Variants in ZNF710 observed in about 807,000 individuals in gnomAD.
ZNF710 encodes zinc finger protein 710.
A neutral mutation model predicts 50.6 loss-of-function variants in ZNF710; 13 were observed. The observed-to-expected ratio is 0.26, with a 90% CI of 0.17 to 0.41. The LOEUF is 0.41. Among genes scored for constraint, ZNF710 ranks in the 10% least tolerant of loss-of-function variants. The probability of loss-of-function intolerance (pLI) is 1.00; values close to 1 mark genes in which losing one functional copy is unlikely to be tolerated. For synonymous variants in ZNF710, 383 were observed against 397.0 expected (o/e 0.96, Z 0.42); for missense variants, 721 against 936.6 (o/e 0.77, Z 3.01).
chr15:90,042,625 G>T (rs1314643684), intron 1 of ZNF710, among the ~76,000 whole-genome samples: 4 of 152,188 alleles, frequency 2.6e-5, no homozygotes, highest in African/African-American at 9.6e-5. Flanking sequence ...CCCATTTCAG[G>T]TTTCGTCATG....
At chr15:90,027,680 T>C (rs1898819188) in intron 1 of ZNF710, among the ~76,000 whole-genome samples, 2 of 151,934 alleles carry the variant, frequency 1.3e-5, no homozygotes, top group Non-Finnish European at 2.9e-5. Context: ...GGCAAAACCC[T>C]GTCTCTACTA....
At chr15:90,008,346 ATATATATATGTATAGTACATATGTG>A (rs910235203) in intron 1 of ZNF710, among the ~76,000 whole-genome samples, 4 of 148,436 alleles carry the variant, frequency 2.7e-5, no homozygotes, top group East Asian at 3.9e-4. Context: ...TACATGTAGT[ATATATATATGTATAGTACATATGTG>A]TATATATATG....
At position 90,030,329 on chromosome 15, in the gene ZNF710, CAAAAAAAAAAAAAA is replaced by C. The variant is rs10685083; in HGVS notation, c.-29+28726_-29+28739del. Among the ~76,000 whole-genome samples, 226 of 50,518 alleles carry C rather than the reference CAAAAAAAAAAAAAA, an allele frequency of 4.5e-3. 11 individuals carry two copies. In the South Asian group the frequency reaches 0.18, roughly 41 times the overall value. 33.1% of individuals were successfully genotyped at this position (50,518 alleles called of 152,430 possible). On this transcript the variant is annotated intron_variant, in intron 1 of 4. Coordinates refer to ENST00000268154, the MANE Select transcript of ZNF710 (RefSeq NM_198526.4). ...GGGCAACAAGAGCAAAACTCCATCT[CAAAAAAAAAAAAAA>C]AAAAAAAAAAGAAAGAATTAGCTAT...
intron 1 of ZNF710, among the ~76,000 whole-genome samples, chr15:90,001,968 A>T (rs1342651995): frequency 2.6e-5 from 3 of 113,930 alleles, no homozygotes; most frequent in Non-Finnish European, 5.1e-5. Flanking sequence ...CGCGCGAATG[A>T]GAGAGAGAGA....
At chr15:90,060,858 AAAAT>A (rs567878832) in intron 1 of ZNF710, among the ~76,000 whole-genome samples, 1 of 152,182 alleles carries the variant, frequency 6.6e-6, no homozygotes, top group South Asian at 2.1e-4. Flanking sequence ...ACTGTCTCAA[AAAAT>A]AAATAAATAA....
chr15:90,072,707 G>C (rs909475784), intron 2 of ZNF710, among the ~76,000 whole-genome samples: 2 of 152,164 alleles, frequency 1.3e-5, no homozygotes, highest in African/African-American at 4.8e-5. Flanking sequence ...CTTGGAGCAG[G>C]TGCCCGGTAA....
chr15:90,018,360 G>T (rs1197101467), intron 1 of ZNF710, among the ~76,000 whole-genome samples: 1 of 151,724 alleles, frequency 6.6e-6, no homozygotes, highest in Non-Finnish European at 1.5e-5. Context: ...GTAGAGCCGG[G>T]GTTTCACCAT....
rs142836683 is a variant in ZNF710 at position 90,079,781 on chromosome 15, C to T, written c.1947C>T (p.Val649=). 1.7e-5 allele frequency: 27 copies of T among 1,612,118 alleles called. No homozygotes were observed. The highest frequency in any genetic ancestry group is 2.1e-5 in the Non-Finnish European group (25 of 1,179,430). The change falls in exon 5 of 5, where the codon GTC becomes GTT. Residue 649 remains valine, a synonymous_variant. Coordinates refer to ENST00000268154, the MANE Select transcript of ZNF710 (RefSeq NM_198526.4). Reference sequence around the variant, plus strand: ...TGGACAGCAGCGCCGAGGCCAGTGTCCTCACTGAACAGGCCATGAAAGAGA... The same window carrying T: ...TGGACAGCAGCGCCGAGGCCAGTGTTCTCACTGAACAGGCCATGAAAGAGA... ...ASVDSSAEAS[V]LTEQAMKEMA... is the part of the protein sequence containing the mutation.
rs1900052703 is a variant in ZNF710, at chr15:90,062,868, G to T, written c.-28-4242G>T. 6.6e-6 allele frequency among the ~76,000 whole-genome samples: 1 copy of T among 152,178 alleles called. No homozygotes were observed. The highest frequency in any genetic ancestry group is 2.4e-5 in the African/African-American group (1 of 41,448). ...CGCGCACACACACACAGCCTGCCTG[G>T]CCGCCCCAGTGAACAAGACAACATG... On this transcript the variant is annotated intron_variant, in intron 1 of 4. Transcript: ENST00000268154. This position sits in a 1 kb window ranked among gnomAD's most constrained non-coding sequence, Gnocchi z 5.6.
chr15:90,049,707 C>T (rs1285763938), intron 1 of ZNF710, among the ~76,000 whole-genome samples: 1 of 152,198 alleles, frequency 6.6e-6, no homozygotes, highest in Non-Finnish European at 1.5e-5. Flanking sequence ...GTCTCTCCTT[C>T]CCAGGCCCCA....
chr15:90,064,857 T>TG (rs1417450251), intron 1 of ZNF710, among the ~76,000 whole-genome samples: 1 of 152,178 alleles, frequency 6.6e-6, no homozygotes, highest in Non-Finnish European at 1.5e-5. Flanking sequence ...GTTAGGACCG[T>TG]GGGCCCTCAC....
At chr15:90,054,502 C>T (rs574936137) in intron 1 of ZNF710, among the ~76,000 whole-genome samples, 87 of 152,096 alleles carry the variant, frequency 5.7e-4, no homozygotes, top group Non-Finnish European at 9.9e-4. Context: ...CTGGGCCCAC[C>T]CAGCTGGGGC....
At chr15:90,039,044 C>T (rs1341499479) in intron 1 of ZNF710, among the ~76,000 whole-genome samples, 4 of 152,148 alleles carry the variant, frequency 2.6e-5, no homozygotes, top group Non-Finnish European at 5.9e-5. Context: ...TTTGGGAGGC[C>T]AGAGGGGGTG....
intron 1 of ZNF710, among the ~76,000 whole-genome samples, chr15:90,031,390 G>A (rs1476361519): frequency 6.6e-6 from 1 of 152,202 alleles, no homozygotes; most frequent in Non-Finnish European, 1.5e-5. Flanking sequence ...CCCTAGACCT[G>A]CTGAAGCAGA....
At chr15:90,048,694 G>A (rs908865167) in intron 1 of ZNF710, among the ~76,000 whole-genome samples, 10 of 152,168 alleles carry the variant, frequency 6.6e-5, no homozygotes, top group African/African-American at 2.2e-4. Context: ...CTTGTACTTC[G>A]TTTAGGAATG....
intron 1 of ZNF710, among the ~76,000 whole-genome samples, chr15:90,031,229 T>C (rs1027879458): frequency 2.0e-5 from 3 of 152,174 alleles, no homozygotes; most frequent in Non-Finnish European, 4.4e-5. Flanking sequence ...ATCCAACACA[T>C]TGATTGAAGT....
intron 1 of ZNF710, among the ~76,000 whole-genome samples, chr15:90,046,453 C>T (rs1027567580): frequency 2.6e-5 from 4 of 152,154 alleles, no homozygotes; most frequent in African/African-American, 9.7e-5. Flanking sequence ...GGGAAGGGGC[C>T]ATATCCTCCC....
intron 4 of ZNF710, chr15:90,075,830 G>A (rs1900574341): frequency 6.6e-6 from 1 of 152,248 alleles, no homozygotes; most frequent in Admixed American, 6.5e-5. Flanking sequence ...TACTCAAAAT[G>A]TGGTAGGAGG....
intron 1 of ZNF710, among the ~76,000 whole-genome samples, chr15:90,032,899 T>G (rs2151486668): frequency 6.6e-6 from 1 of 152,130 alleles, no homozygotes; most frequent in African/African-American, 2.4e-5. Context: ...TAGCAAGAAC[T>G]TGTTTCTAAA....
Sources: gnomAD v4.1 joint callset for allele counts (sites outside exome capture counted in the v4.1 genomes callset) on GRCh38, gnomAD v4.1.1 for gene constraint, Gnocchi (gnomAD v3.1) non-coding constraint, MANE v1.5 for transcripts, NCBI Gene and HGNC (gene_info 2026-07-23, HGNC 2026-07-21) for gene names.